IQCH: variants seen among roughly 807,000 people sequenced by gnomAD.
IQCH encodes the protein IQ domain-containing protein H.
Under a neutral mutation model 117.0 loss-of-function variants are expected in IQCH, and 98 were observed. The observed-to-expected ratio is 0.84, with a 90% CI of 0.71 to 0.99. The LOEUF (loss-of-function observed/expected upper bound fraction) is 0.99. IQCH is among the 50% of genes least tolerant of loss of function. IQCH has a pLI of 0.00. For missense variants in IQCH, 1,102 were observed against 1,243.8 expected (o/e 0.89, Z 1.72); for synonymous variants, 412 against 448.2 (o/e 0.92, Z 1.02).
chr15:67,497,024 CAAA>C (rs753821092), intron 20 of IQCH, among the ~76,000 whole-genome samples: 1 of 35,836 alleles, frequency 2.8e-5, no homozygotes, highest in Middle Eastern at 0.019. Context: ...GACTCCGTCT[CAAA>C]AAAAAAAAAA....
intron 4 of IQCH, chr15:67,304,219 C>T: frequency 1.9e-6 from 1 of 539,802 alleles, no homozygotes; most frequent in East Asian, 3.1e-5. Context: ...TATTTTTTTC[C>T]AGTGAGAATT....
chr15:67,453,348 T>C lies in IQCH; in HGVS notation c.2506-11779T>C, dbSNP rs2082580153. ...TTTCTGCTCTGTTTTTTTCCCATCT[T>C]TGTGGTTTTATCTACCTTTGGTCTT... On this transcript the variant is annotated intron_variant, in intron 16 of 20. Coordinates refer to ENST00000335894, the MANE Select transcript of IQCH (RefSeq NM_001031715.3). This position sits in a 1 kb window ranked among gnomAD's most constrained non-coding sequence, Gnocchi z 5.8. Among the ~76,000 whole-genome samples the C allele has an allele frequency of 6.6e-6, 1 of 152,066 alleles. No individual in the cohort carries two copies. Among genetic ancestry groups the C allele is most frequent in the East Asian group, 1.9e-4 (1 of 5,200 alleles).
intron 19 of IQCH, among the ~76,000 whole-genome samples, chr15:67,492,758 T>C (rs2083696259): frequency 6.6e-6 from 1 of 152,080 alleles, no homozygotes; most frequent in South Asian, 2.1e-4. Flanking sequence ...GCAGGGTTCC[T>C]GAAGTGTGGG....
chr15:67,430,788 A>G lies in IQCH; in HGVS notation c.2505+9211A>G, dbSNP rs1443739402. ...TAATGCTAGGTGCTAGAGAAGCTAC[A>G]AAGATGCAAAAGACATGGAAGTGCC... On this transcript the variant is annotated intron_variant, in intron 16 of 20. Coordinates refer to ENST00000335894, the MANE Select transcript of IQCH (RefSeq NM_001031715.3). The surrounding 1 kb of genome is among the most constrained non-coding windows in gnomAD (Gnocchi z 5.1). Among the ~76,000 whole-genome samples, 1 of 152,248 alleles carries G rather than the reference A, an allele frequency of 6.6e-6. No individual in the cohort carries two copies. Among genetic ancestry groups the G allele is most frequent in the Admixed American group, 6.5e-5 (1 of 15,288 alleles).
At chr15:67,287,988 T>C (rs962192287) in intron 4 of IQCH, among the ~76,000 whole-genome samples, 1 of 152,138 alleles carries the variant, frequency 6.6e-6, no homozygotes, top group Non-Finnish European at 1.5e-5. Flanking sequence ...TTTCTTAATT[T>C]CTTCATTGAC....
Position 67,262,282 on chromosome 15 carries a change from T to C in IQCH, c.175-840T>C, listed in dbSNP as rs184877932. 6.8e-4 allele frequency among the ~76,000 whole-genome samples: 104 copies of C among 152,296 alleles called. 4 individuals carry two copies. The East Asian group carries it at 0.012, about 18-fold the overall frequency. On this transcript the variant is annotated intron_variant, in intron 2 of 20. Coordinates refer to ENST00000335894, the MANE Select transcript of IQCH (RefSeq NM_001031715.3). ...CTAAGGTCGGGGAGAATCCAGTCTTTGGACCAGGATAATATTCATTTATGA... is the reference window on the plus strand; with the variant it reads ...CTAAGGTCGGGGAGAATCCAGTCTTCGGACCAGGATAATATTCATTTATGA...
intron 6 of IQCH, among the ~76,000 whole-genome samples, chr15:67,345,334 T>C (rs1969340993): frequency 6.6e-6 from 1 of 152,160 alleles, no homozygotes; most frequent in Admixed American, 6.5e-5. Flanking sequence ...GAAATGAAGC[T>C]TATTTATCCA....
chr15:67,279,973 G>A (rs1316387993), intron 4 of IQCH, among the ~76,000 whole-genome samples: 1 of 151,880 alleles, frequency 6.6e-6, no homozygotes, highest in Admixed American at 6.6e-5. Flanking sequence ...CCGAGATTGT[G>A]CCACTGCACT....
intron 4 of IQCH, among the ~76,000 whole-genome samples, chr15:67,291,017 G>A (rs758047551): frequency 3.9e-5 from 6 of 152,122 alleles, no homozygotes; most frequent in Non-Finnish European, 8.8e-5. Context: ...ATCTCTCGCA[G>A]TGTTCATAGA....
intron 4 of IQCH, among the ~76,000 whole-genome samples, chr15:67,295,472 T>C (rs780122355): frequency 1.3e-5 from 2 of 152,156 alleles, no homozygotes; most frequent in Admixed American, 1.3e-4. Context: ...CTCCTCTCTT[T>C]TGCTATGTGG....
rs1295012239 is a variant in IQCH at position 67,433,002 on chromosome 15, T to TG, written c.2505+11427dup. On this transcript the variant is annotated intron_variant, in intron 16 of 20. Coordinates refer to ENST00000335894, the MANE Select transcript of IQCH (RefSeq NM_001031715.3). The surrounding 1 kb of genome is among the most constrained non-coding windows in gnomAD (Gnocchi z 5.4). ...CTTTAGGGAAAGTATTTTATTTATATGGAAGAAGGCTAACAGAGTATATCT... is the reference window on the plus strand; with the variant it reads ...CTTTAGGGAAAGTATTTTATTTATATGGGAAGAAGGCTAACAGAGTATATCT... 6.6e-6 allele frequency among the ~76,000 whole-genome samples: 1 copy of TG among 152,232 alleles called. No individual in the cohort carries two copies. The highest frequency in any genetic ancestry group is 1.5e-5 in the Non-Finnish European group (1 of 68,048).
At position 67,465,048 on chromosome 15, in the gene IQCH, G is replaced by A. The variant is rs1011732372; in HGVS notation, c.2506-79G>A. 2 of 1,337,052 alleles carry A rather than the reference G, an allele frequency of 1.5e-6. No homozygotes were observed. Among genetic ancestry groups the A allele is most frequent in the South Asian group, 2.6e-5 (2 of 76,524 alleles). 82.8% of individuals were successfully genotyped at this position (1,337,052 alleles called of 1,614,324 possible). On this transcript the variant is annotated intron_variant, in intron 16 of 20. Coordinates refer to ENST00000335894, the MANE Select transcript of IQCH (RefSeq NM_001031715.3). The surrounding 1 kb of genome is among the most constrained non-coding windows in gnomAD (Gnocchi z 5.9). ...GGTTTCACTTAGTCTGATGTAGTTT[G>A]GTCTGGTTAGGCAGAGGTGGGGCCT...
At position 67,323,049 on chromosome 15, in the gene IQCH, A is replaced by G. The variant is rs545719429; in HGVS notation, c.388-13926A>G. On this transcript the variant is annotated intron_variant, in intron 4 of 20. Transcript: ENST00000335894. ...GAAGAAAGGTTCTCAATCTGGTCCA[A>G]GGATTTACCTGAGACTTGTAGCTAG... Among the ~76,000 whole-genome samples, 32 of 152,234 alleles carry G rather than the reference A, an allele frequency of 2.1e-4. 1 individual carries two copies. The South Asian group carries it at 4.1e-3, about 20-fold the overall frequency.
At chr15:67,262,975 C>CA in intron 2 of IQCH, 147 bp from the exon 3 acceptor site, 1 of 621,820 alleles carries the variant, frequency 1.6e-6, no homozygotes, top group Non-Finnish European at 2.9e-6. Flanking sequence ...CCTTGAGATG[C>CA]CTAATGATAC....
chr15:67,363,177 G>A (rs77561170), intron 8 of IQCH, among the ~76,000 whole-genome samples: 20 of 147,978 alleles, frequency 1.4e-4, no homozygotes, highest in South Asian at 8.5e-4. Context: ...ATCCAGACAC[G>A]GAAAAAAAAA....
intron 4 of IQCH, among the ~76,000 whole-genome samples, chr15:67,302,051 A>G (rs1389490854): frequency 1.3e-5 from 2 of 152,116 alleles, no homozygotes; most frequent in Non-Finnish European, 2.9e-5. Context: ...GTATTTGGCC[A>G]TTTCCTCCCT....
chr15:67,304,523 A>T, intron 4 of IQCH: 2 of 768,180 alleles, frequency 2.6e-6, no homozygotes, highest in Non-Finnish European at 4.1e-6. Flanking sequence ...TTAGTAGTGT[A>T]AGATGTAATG....
At chr15:67,323,609 C>T (rs964575715) in intron 4 of IQCH, among the ~76,000 whole-genome samples, 2 of 151,884 alleles carry the variant, frequency 1.3e-5, no homozygotes, top group African/African-American at 2.4e-5. Context: ...TAAACTATAC[C>T]TCTTCATATT....
rs2082970969 is a variant in IQCH, at chr15:67,467,792, G to A, written c.2676+2495G>A. Among the ~76,000 whole-genome samples the A allele has an allele frequency of 6.6e-6, 1 of 152,232 alleles. No individual in the cohort carries two copies. The highest frequency in any genetic ancestry group is 1.5e-5 in the Non-Finnish European group (1 of 68,040). On this transcript the variant is annotated intron_variant, in intron 17 of 20. Transcript: ENST00000335894. This position sits in a 1 kb window ranked among gnomAD's most constrained non-coding sequence, Gnocchi z 5.7. ...ACAGCCCCCTTTGAAGACTGAAGGA[G>A]AAGAAAATGCACAGATGAAACCACA...
Sources: allele counts gnomAD v4.1 joint callset (sites outside exome capture counted in the v4.1 genomes callset), GRCh38; gene constraint gnomAD v4.1.1; non-coding constraint Gnocchi (gnomAD v3.1); transcripts MANE v1.5; gene names NCBI Gene and HGNC (gene_info 2026-07-23, HGNC 2026-07-21).